PLA2G4C: variants seen among roughly 807,000 people sequenced by gnomAD.
The protein encoded by PLA2G4C is cytosolic phospholipase A2 gamma.
Under a neutral mutation model 73.8 loss-of-function variants are expected in PLA2G4C, and 64 were observed. The observed-to-expected ratio is 0.87, with a 90% confidence interval of 0.71 to 1.07. The LOEUF (loss-of-function observed/expected upper bound fraction) is 1.07, where lower values mean the gene tolerates loss of function less well. Among genes scored for constraint, PLA2G4C ranks in the 50% least tolerant of loss-of-function variants. The pLI is 0.00. For synonymous variants in PLA2G4C, 254 were observed against 252.1 expected (o/e 1.01, Z -0.07); for missense variants, 622 against 665.4 (o/e 0.93, Z 0.72).
At chr19:48,071,385 G>T (rs1367770862) in intron 12 of PLA2G4C, among the ~76,000 whole-genome samples, 1 of 152,038 alleles carries the variant, frequency 6.6e-6, no homozygotes, top group Non-Finnish European at 1.5e-5. Flanking sequence ...CCGCCTCCCG[G>T]GTTCAAGCGA....
At chr19:48,054,714 C>T (rs527954595) in intron 15 of PLA2G4C, among the ~76,000 whole-genome samples, 164 bp downstream of exon 15, 39 of 152,318 alleles carry the variant, frequency 2.6e-4, no homozygotes, top group Non-Finnish European at 4.9e-4. Context: ...CCTTCGCTTT[C>T]CACCATGACT....
intron 7 of PLA2G4C, among the ~76,000 whole-genome samples, chr19:48,094,113 T>C (rs1449782109): frequency 1.3e-5 from 2 of 152,204 alleles, no homozygotes; most frequent in Non-Finnish European, 2.9e-5. Flanking sequence ...CTCTTCCCTC[T>C]GTCCATGATG....
At chr19:48,095,357 T>G in intron 7 of PLA2G4C, 107 bp downstream of exon 7, 2 of 1,038,500 alleles carry the variant, frequency 1.9e-6, no homozygotes, top group Non-Finnish European at 2.9e-6. Flanking sequence ...TCCTTTTCTT[T>G]CCCCCAAGAA....
At chr19:48,082,844 C>T (rs990297203) in intron 10 of PLA2G4C, among the ~76,000 whole-genome samples, 8 of 135,108 alleles carry the variant, frequency 5.9e-5, no homozygotes, top group Admixed American at 4.1e-4. Flanking sequence ...GACGGAGTCT[C>T]GCTCTGTCGC....
intron 15 of PLA2G4C, among the ~76,000 whole-genome samples, chr19:48,053,662 C>T (rs959294300): frequency 2.9e-5 from 4 of 137,888 alleles, no homozygotes; most frequent in East Asian, 3.9e-4. Flanking sequence ...CGTGAGCCAC[C>T]GCGCCTGGCC....
chr19:48,083,433 TTTTTC>T (rs2030761849), intron 10 of PLA2G4C, among the ~76,000 whole-genome samples: 3 of 139,530 alleles, frequency 2.2e-5, no homozygotes, highest in Non-Finnish European at 3.0e-5. Context: ...CTTTTTTTTC[TTTTTC>T]TTTTTCTTTT....
chr19:48,049,501 C>G (rs1480416761), intron 16 of PLA2G4C, among the ~76,000 whole-genome samples: 1 of 151,838 alleles, frequency 6.6e-6, no homozygotes, highest in Admixed American at 6.6e-5. Context: ...GTCATGTTGC[C>G]CCCCGGGAGG....
chr19:48,075,590 G>A (rs890553605), intron 11 of PLA2G4C, among the ~76,000 whole-genome samples: 3 of 152,054 alleles, frequency 2.0e-5, no homozygotes, highest in Non-Finnish European at 2.9e-5. Flanking sequence ...TGCTGAGAAC[G>A]TCACCTGCCA....
At chr19:48,068,287 G>C (rs1753549970) in intron 12 of PLA2G4C, among the ~76,000 whole-genome samples, 1 of 135,682 alleles carries the variant, frequency 7.4e-6, no homozygotes, top group African/African-American at 2.9e-5. Flanking sequence ...CCTGATGACG[G>C]AGCGAGACTC....
At chr19:48,107,065 G>C (rs1201354756) in intron 1 of PLA2G4C, among the ~76,000 whole-genome samples, 3 of 152,086 alleles carry the variant, frequency 2.0e-5, no homozygotes, top group Non-Finnish European at 4.4e-5. Context: ...GGCTGGGCTT[G>C]AACTCCCGAC....
At chr19:48,087,829 G>A (rs565846856) in intron 9 of PLA2G4C, among the ~76,000 whole-genome samples, 141 of 152,080 alleles carry the variant, frequency 9.3e-4, no homozygotes, top group African/African-American at 3.3e-3. Context: ...AGCTACTCAG[G>A]AGGCTGCGGC....
At chr19:48,057,637 G>C (rs1430923634) in intron 14 of PLA2G4C, among the ~76,000 whole-genome samples, 2 of 149,960 alleles carry the variant, frequency 1.3e-5, no homozygotes, top group Non-Finnish European at 3.0e-5. Context: ...TTACAGGCAC[G>C]TGCCACCATG....
At position 48,084,995 on chromosome 19, in the gene PLA2G4C, T is replaced by G. The variant is rs188859135; in HGVS notation, c.844+64A>C. 5.2e-6 allele frequency: 6 copies of G among 1,165,046 alleles called. No homozygotes were observed. The Admixed American group carries it at 8.5e-5, about 17-fold the overall frequency. 72.2% of individuals were successfully genotyped at this position (1,165,046 alleles called of 1,614,324 possible). A position where few individuals can be genotyped will look rare whatever the true frequency, so the allele number is the denominator to read the frequency against. ...TCTTTTCTGCCACATGCAGGAAAAGTACTGTGAATCTCCTTGCATAAAATA... is the reference window on the plus strand; with the variant it reads ...TCTTTTCTGCCACATGCAGGAAAAGGACTGTGAATCTCCTTGCATAAAATA... On this transcript the variant is annotated intron_variant, in intron 10 of 16. Coordinates refer to ENST00000599921, the MANE Select transcript of PLA2G4C (RefSeq NM_003706.3).
chr19:48,076,926 A>G (rs2030201349), intron 11 of PLA2G4C, among the ~76,000 whole-genome samples: 1 of 152,190 alleles, frequency 6.6e-6, no homozygotes, highest in African/African-American at 2.4e-5. Context: ...TTTGCGCAGC[A>G]TAGCCTCTCC....
chr19:48,070,590 G>A (rs920040445), intron 12 of PLA2G4C, among the ~76,000 whole-genome samples: 3 of 152,216 alleles, frequency 2.0e-5, no homozygotes, highest in Non-Finnish European at 4.4e-5. Context: ...CATGTCCTTT[G>A]CAGGGACAGG....
chr19:48,098,713 T>TAAAAAAAAAA (rs548688675), intron 5 of PLA2G4C, among the ~76,000 whole-genome samples: 396 of 30,908 alleles, frequency 0.013, 56 homozygotes, highest in Non-Finnish European at 0.019. Context: ...ACCCTATCTC[T>TAAAAAAAAAA]AAAAAAAAAA....
chr19:48,092,157 C>T (rs536629332), intron 7 of PLA2G4C, among the ~76,000 whole-genome samples: 20 of 152,038 alleles, frequency 1.3e-4, no homozygotes, highest in Non-Finnish European at 1.6e-4. Flanking sequence ...TCAAGAGATT[C>T]TCCTGCCTCA....
chr19:48,102,599 ATG>A (rs1409546565), intron 4 of PLA2G4C, among the ~76,000 whole-genome samples: 1 of 152,188 alleles, frequency 6.6e-6, no homozygotes, highest in Non-Finnish European at 1.5e-5. Flanking sequence ...GACGATTTGC[ATG>A]TGTTTCATCA....
In PLA2G4C at chr19:48,099,855, A is replaced by G. The variant is rs773683002; in HGVS notation, c.263T>C (p.Ile88Thr). The G allele has an allele frequency of 2.5e-6, 4 of 1,610,924 alleles. No homozygotes were observed. Among genetic ancestry groups the G allele is most frequent in the Admixed American group, 1.7e-5 (1 of 59,862 alleles). The change falls in exon 5 of 17, where the codon ATA becomes ACA. Residue 88 changes from isoleucine to threonine, a missense_variant. Physicochemically the swap from Ile to Thr is moderately conservative, Grantham distance 89 (BLOSUM62 -1). Coordinates refer to ENST00000599921, the MANE Select transcript of PLA2G4C (RefSeq NM_003706.3). ...LAGVSGSTWA[I>T]SSLYTNDGDM... ...ACCATCATTGGTGTAGAGAGAAGAT[A>G]TTGCCCTGGAGGACAGAGGAAGAGA...
Sources: gnomAD v4.1 joint callset for allele counts (sites outside exome capture counted in the v4.1 genomes callset) on GRCh38, gnomAD v4.1.1 for gene constraint, MANE v1.5 for transcripts, NCBI Gene and HGNC (gene_info 2026-07-23, HGNC 2026-07-21) for gene names.